The following RMDN2 variants were observed in gnomAD, a reference collection of about 807,000 sequenced individuals.
The protein encoded by RMDN2 is regulator of microtubule dynamics protein 2.
In RMDN2, 61 loss-of-function variants were observed where a neutral mutation model predicts 52.8. The ratio of observed to expected loss-of-function variants is 1.16; its 90% CI spans 0.94 to 1.43. The LOEUF (loss-of-function observed/expected upper bound fraction) is 1.43. Ranked by LOEUF, RMDN2 falls within the 40% of genes most tolerant of loss-of-function variation. The probability of loss-of-function intolerance (pLI) is 0.00; values close to 1 mark genes in which losing one functional copy is unlikely to be tolerated. For missense variants in RMDN2, 592 were observed against 475.3 expected, an observed-to-expected ratio of 1.25 and a Z score of -2.28; for synonymous variants, 180 against 153.1, an observed-to-expected ratio of 1.18 and a Z score of -1.30.
chr2:37,979,287 A>G (rs981586153), intron 4 of RMDN2, among the ~76,000 whole-genome samples: 2 of 152,208 alleles, frequency 1.3e-5, no homozygotes, highest in Admixed American at 1.3e-4. Context: ...GCACAACACT[A>G]CGGAACCTAT....
intron 10 of RMDN2, among the ~76,000 whole-genome samples, chr2:38,057,858 T>A (rs1005449015): frequency 4.6e-5 from 7 of 152,214 alleles, no homozygotes; most frequent in African/African-American, 1.7e-4. Flanking sequence ...CTGCCACGAT[T>A]GTCAGTTTCC....
At chr2:38,063,099 G>A (rs949928586) in intron 10 of RMDN2, among the ~76,000 whole-genome samples, 5 of 152,118 alleles carry the variant, frequency 3.3e-5, no homozygotes, top group Non-Finnish European at 7.4e-5. Flanking sequence ...TGTCTTTATA[G>A]CAGCATGATT....
At chr2:37,926,124 C>T (rs927716718) in intron 1 of RMDN2, among the ~76,000 whole-genome samples, 1 of 152,178 alleles carries the variant, frequency 6.6e-6, no homozygotes, top group East Asian at 1.9e-4. Context: ...TTTGTAATGT[C>T]TCTTTATCCT....
intron 10 of RMDN2, among the ~76,000 whole-genome samples, chr2:38,049,872 G>A (rs57005668): frequency 0.3 from 45,833 of 152,038 alleles, 10,006 homozygotes; most frequent in East Asian, 0.79. Flanking sequence ...TTGATGGTTT[G>A]TACATTTTTT....
intron 5 of RMDN2, among the ~76,000 whole-genome samples, chr2:37,988,663 A>G (rs1353497068): frequency 6.6e-6 from 1 of 152,188 alleles, no homozygotes; most frequent in Admixed American, 6.5e-5. Context: ...TTTTCATCTT[A>G]GTTACTATGA....
chr2:37,968,478 T>G (rs1671380024), intron 2 of RMDN2, among the ~76,000 whole-genome samples: 9 of 151,694 alleles, frequency 5.9e-5, no homozygotes, highest in Admixed American at 5.9e-4. Flanking sequence ...CTGTTGTTGT[T>G]TACTTGATGT....
intron 7 of RMDN2, among the ~76,000 whole-genome samples, chr2:37,991,498 C>T (rs1029588853): frequency 7.3e-5 from 11 of 151,646 alleles, no homozygotes; most frequent in Admixed American, 1.3e-4. Context: ...ATTTTAAAAG[C>T]TATAATCTAT....
At chr2:38,047,488 T>C (rs1244818969) in intron 10 of RMDN2, among the ~76,000 whole-genome samples, 1 of 152,214 alleles carries the variant, frequency 6.6e-6, no homozygotes, top group East Asian at 1.9e-4. Context: ...TTCCTAACAT[T>C]ATGCTAAGTG....
intron 2 of RMDN2, 137 bp downstream of exon 2, chr2:37,929,866 A>C (rs928903262): frequency 2.6e-5 from 16 of 625,644 alleles, no homozygotes; most frequent in Non-Finnish European, 2.9e-5. Context: ...TTTGACTTAG[A>C]TTATAATTAA....
At chr2:38,061,553 T>C (rs2125308571) in intron 10 of RMDN2, among the ~76,000 whole-genome samples, 1 of 152,032 alleles carries the variant, frequency 6.6e-6, no homozygotes, top group East Asian at 2.0e-4. Flanking sequence ...AAGCTTGTCC[T>C]TAATGCCCAC....
intron 10 of RMDN2, among the ~76,000 whole-genome samples, chr2:38,059,193 G>C (rs1681949788): frequency 6.6e-6 from 1 of 152,236 alleles, no homozygotes; most frequent in South Asian, 2.1e-4. Context: ...ATGTGAATAA[G>C]GAATTGATTT....
chr2:37,942,117 C>T (rs1413887653), intron 2 of RMDN2, among the ~76,000 whole-genome samples: 4 of 152,110 alleles, frequency 2.6e-5, no homozygotes, highest in African/African-American at 7.2e-5. Context: ...CTCTGTCCCT[C>T]ATGGCAAGTC....
At chr2:37,985,654 A>G (rs77288439) in intron 5 of RMDN2, among the ~76,000 whole-genome samples, 1,756 of 152,294 alleles carry the variant, frequency 0.012, 14 homozygotes, top group Middle Eastern at 0.02. Flanking sequence ...GAAGATATAG[A>G]AAGTATGCTT....
chr2:37,934,668 A>G (rs146527012), intron 2 of RMDN2, among the ~76,000 whole-genome samples: 40 of 152,270 alleles, frequency 2.6e-4, no homozygotes, highest in African/African-American at 8.7e-4. Flanking sequence ...GGGGAGTACT[A>G]TTTTTAGGGA....
At chr2:38,058,486 G>T (rs1056648240) in intron 10 of RMDN2, among the ~76,000 whole-genome samples, 4 of 152,220 alleles carry the variant, frequency 2.6e-5, no homozygotes, top group Non-Finnish European at 4.4e-5. Flanking sequence ...CTCTGCTCAG[G>T]CAGGGGACTT....
At chr2:37,951,141 C>A in intron 2 of RMDN2, 1 of 1,264,310 alleles carries the variant, frequency 7.9e-7, no homozygotes, top group Non-Finnish European at 1.1e-6. Flanking sequence ...TTGGTGGACA[C>A]CAAAAGGTGG....
At chr2:38,061,655 A>ACACACATACACACATG (rs1682057669) in intron 10 of RMDN2, among the ~76,000 whole-genome samples, 1 of 151,766 alleles carries the variant, frequency 6.6e-6, no homozygotes, top group African/African-American at 2.4e-5. Context: ...ACACACACAT[A>ACACACATACACACATG]CACACATATA....
rs139076880 is a variant in RMDN2, at chr2:38,005,169, G to A, written c.1179+953G>A. ...TGCTGCTATAAACATACGTGTGCAT[G>A]TGTCTTTAAAGCAGCATGATTTATA... is the stretch of plus-strand genomic sequence containing the variant. On this transcript the variant is annotated intron_variant, in intron 10 of 10. Transcript: ENST00000354545. Among the ~76,000 whole-genome samples, 893 of 152,306 alleles carry A rather than the reference G, an allele frequency of 5.9e-3. 9 individuals carry two copies. The highest frequency in any genetic ancestry group is 0.02 in the African/African-American group (838 of 41,558).
intron 1 of RMDN2, chr2:37,928,658 A>G (rs1666477486): frequency 6.6e-6 from 1 of 152,206 alleles, no homozygotes. Context: ...ACTATGAATG[A>G]ATGGTTTATG....
Sources: allele counts gnomAD v4.1 joint callset (sites outside exome capture counted in the v4.1 genomes callset), GRCh38; gene constraint gnomAD v4.1.1; transcripts MANE v1.5; gene names NCBI Gene and HGNC (gene_info 2026-07-23, HGNC 2026-07-21).